Variants in EHMT1 observed in about 807,000 individuals in gnomAD.
The protein encoded by EHMT1 is euchromatic histone lysine methyltransferase 1, also known as histone-lysine N-methyltransferase EHMT1.
A neutral mutation model predicts 147.2 loss-of-function variants in EHMT1; 15 were observed. The observed-to-expected ratio is 0.10, with a 90% CI of 0.07 to 0.16. The LOEUF is 0.16. Ranked by LOEUF, EHMT1 falls within the 10% of genes least tolerant of loss-of-function variation. The probability of loss-of-function intolerance (pLI) is 1.00; values close to 1 mark genes in which losing one functional copy is unlikely to be tolerated. For missense variants in EHMT1, 1,587 were observed against 1,772.4 expected (o/e 0.90, Z 1.88); for synonymous variants, 795 against 709.6 (o/e 1.12, Z -1.91).
chr9:137,625,302 T>C (rs1843185933), intron 1 of EHMT1, among the ~76,000 whole-genome samples: 4 of 152,236 alleles, frequency 2.6e-5, no homozygotes, highest in Non-Finnish European at 5.9e-5. Flanking sequence ...TGTTATGTAT[T>C]ATGCAGGTGC....
intron 3 of EHMT1, among the ~76,000 whole-genome samples, chr9:137,725,693 C>G (rs1386907665): frequency 6.6e-6 from 1 of 152,082 alleles, no homozygotes; most frequent in African/African-American, 2.4e-5. Context: ...CACATGGCAG[C>G]AAGATGCGCT....
intron 15 of EHMT1, among the ~76,000 whole-genome samples, chr9:137,783,891 C>T (rs1455949896): frequency 2.0e-5 from 3 of 152,188 alleles, no homozygotes; most frequent in Non-Finnish European, 4.4e-5. Context: ...CCTTTTCCCT[C>T]GTTTTTGGAT....
At position 137,806,809 on chromosome 9, in the gene EHMT1, C is replaced by T. The variant is rs148239817; in HGVS notation, c.2713-4652C>T. 1.7e-4 allele frequency among the ~76,000 whole-genome samples: 26 copies of T among 152,322 alleles called. No individual in the cohort carries two copies. In the East Asian group the frequency reaches 3.7e-3, roughly 21 times the overall value. ...AAAGATATTCTTAGAATTCTGGATGCGTAGTTATTTCTTCCAATGCTTTAA... is the reference window on the plus strand; with the variant it reads ...AAAGATATTCTTAGAATTCTGGATGTGTAGTTATTTCTTCCAATGCTTTAA... On this transcript the variant is annotated intron_variant, in intron 18 of 26. Coordinates refer to ENST00000460843, the MANE Select transcript of EHMT1 (RefSeq NM_024757.5).
chr9:137,702,801 G>A (rs939385372), intron 1 of EHMT1, among the ~76,000 whole-genome samples: 7 of 152,362 alleles, frequency 4.6e-5, no homozygotes, highest in Middle Eastern at 3.4e-3. Context: ...CTTCGCCCCT[G>A]CAGGAAGCTT....
chr9:137,741,278 C>T (rs1948055632), intron 4 of EHMT1, among the ~76,000 whole-genome samples: 2 of 152,124 alleles, frequency 1.3e-5, no homozygotes, highest in East Asian at 1.9e-4. Flanking sequence ...TGCGCCCGGC[C>T]GACATGATTC....
intron 1 of EHMT1, among the ~76,000 whole-genome samples, chr9:137,689,246 C>T (rs760228952): frequency 1.9e-4 from 29 of 152,312 alleles, no homozygotes; most frequent in Non-Finnish European, 4.0e-4. Context: ...GATCCCACCT[C>T]CTCCTCAGAA....
intron 15 of EHMT1, among the ~76,000 whole-genome samples, chr9:137,790,410 A>G (rs995372683): frequency 6.6e-6 from 1 of 152,234 alleles, no homozygotes; most frequent in African/African-American, 2.4e-5. Flanking sequence ...GCTACTGGAA[A>G]TCAGGATTTT....
chr9:137,777,021 A>G, intron 12 of EHMT1, 177 bp downstream of exon 12: 1 of 671,986 alleles, frequency 1.5e-6, no homozygotes, highest in East Asian at 2.8e-5. Flanking sequence ...ATTTGTGCAT[A>G]CGTTGCTCTC....
At chr9:137,689,893 T>C (rs1942785936) in intron 1 of EHMT1, among the ~76,000 whole-genome samples, 1 of 152,212 alleles carries the variant, frequency 6.6e-6, no homozygotes, top group South Asian at 2.1e-4. Flanking sequence ...CCCACCATGT[T>C]GGCTGCTGTG....
In EHMT1 at chr9:137,775,025, TGCCTGCACTGCCCAGC is replaced by T; in HGVS notation, c.1648-78_1648-63del. On this transcript the variant is annotated intron_variant, in intron 10 of 26. Coordinates refer to ENST00000460843, the MANE Select transcript of EHMT1 (RefSeq NM_024757.5). This position sits in a 1 kb window ranked among gnomAD's most constrained non-coding sequence, Gnocchi z 6.1. ...CCACACCTGCTGAGCAGCTCTTGTG[TGCCTGCACTGCCCAGC>T]GCCTGGTGGGAGGGAATGCCGGCCT... is the stretch of plus-strand genomic sequence containing the variant. The T allele has an allele frequency of 6.3e-7, 1 of 1,591,126 alleles. No homozygotes were observed. The highest frequency in any genetic ancestry group is 8.6e-7 in the Non-Finnish European group (1 of 1,161,366).
In EHMT1 at chr9:137,790,908, G is replaced by A. The variant is rs1443023108; in HGVS notation, c.2443G>A (p.Glu815Lys). The change falls in exon 16 of 27, where the codon GAA (glutamate) becomes AAA (lysine). Residue 815 changes from glutamate to lysine, a missense_variant. Coordinates refer to ENST00000460843, the MANE Select transcript of EHMT1 (RefSeq NM_024757.5). ...GAGGACCCCGTTGATGGAAGCAGCC[G>A]AAAACAACCATCTGGAAGCAGTGAA... ...DQRTPLMEAA[E>K]NNHLEAVKYL... 5.0e-6 allele frequency: 8 copies of A among 1,614,014 alleles called. No individual in the cohort carries two copies. The highest frequency in any genetic ancestry group is 6.8e-6 in the Non-Finnish European group (8 of 1,180,038).
intron 14 of EHMT1, 88 bp downstream of exon 14, chr9:137,779,805 G>C: frequency 6.9e-7 from 1 of 1,444,982 alleles, no homozygotes; most frequent in South Asian, 1.2e-5. Context: ...TTCCTCAGGA[G>C]GCTGGTCTCG....
intron 1 of EHMT1, among the ~76,000 whole-genome samples, chr9:137,702,154 T>C (rs1943893911): frequency 6.6e-6 from 1 of 152,080 alleles, no homozygotes. Flanking sequence ...GGTCTCAAAC[T>C]CCTGACCTCA....
At position 137,731,336 on chromosome 9, in the gene EHMT1, G is replaced by A. The variant is rs1947092183; in HGVS notation, c.823+2807G>A. Reference sequence around the variant, plus strand: ...TGCTCCCGTGTGTTGTCACCCCAGGGCTTCCGGAGTGGGCACAGAAGTTAC... The same window carrying A: ...TGCTCCCGTGTGTTGTCACCCCAGGACTTCCGGAGTGGGCACAGAAGTTAC... On this transcript the variant is annotated intron_variant, in intron 4 of 26. Coordinates refer to ENST00000460843, the MANE Select transcript of EHMT1 (RefSeq NM_024757.5). This position sits in a 1 kb window ranked among gnomAD's most constrained non-coding sequence, Gnocchi z 4.3. 6.6e-6 allele frequency among the ~76,000 whole-genome samples: 1 copy of A among 152,194 alleles called. No individual in the cohort carries two copies. The highest frequency in any genetic ancestry group is 2.1e-4 in the South Asian group (1 of 4,828).
chr9:137,748,117 T>C (rs1948696837), intron 6 of EHMT1, among the ~76,000 whole-genome samples: 1 of 151,936 alleles, frequency 6.6e-6, no homozygotes, highest in South Asian at 2.1e-4. Flanking sequence ...GTTGGGAGAG[T>C]CTGCAGATCA....
intron 1 of EHMT1, among the ~76,000 whole-genome samples, chr9:137,674,655 C>T (rs776715737): frequency 2.0e-5 from 3 of 152,180 alleles, no homozygotes; most frequent in Non-Finnish European, 2.9e-5. Context: ...TATATTCTTC[C>T]AGTAGTTGTA....
intron 10 of EHMT1, among the ~76,000 whole-genome samples, chr9:137,766,715 C>T (rs931703671): frequency 1.2e-4 from 18 of 152,184 alleles, no homozygotes; most frequent in African/African-American, 3.6e-4. Context: ...ATGTTTGCAC[C>T]GTACGTCATT....
chr9:137,671,177 C>T (rs1940579654), intron 1 of EHMT1, among the ~76,000 whole-genome samples: 1 of 152,128 alleles, frequency 6.6e-6, no homozygotes, highest in Admixed American at 6.5e-5. Flanking sequence ...CCTTTTATAG[C>T]TAATAAGTGA....
chr9:137,646,904 G>A (rs749302616), intron 1 of EHMT1, among the ~76,000 whole-genome samples: 4 of 152,052 alleles, frequency 2.6e-5, no homozygotes, highest in Non-Finnish European at 4.4e-5. Context: ...GGCTGAGCCC[G>A]CTGCAGCAGG....
Sources: allele counts gnomAD v4.1 joint callset (sites outside exome capture counted in the v4.1 genomes callset), GRCh38; gene constraint gnomAD v4.1.1; non-coding constraint Gnocchi (gnomAD v3.1); transcripts MANE v1.5; gene names NCBI Gene and HGNC (gene_info 2026-07-23, HGNC 2026-07-21).